Variants in ZNF12 observed in about 807,000 individuals in gnomAD.
The protein encoded by ZNF12 is zinc finger protein 12.
Under a neutral mutation model 66.6 loss-of-function variants are expected in ZNF12, and 34 were observed. The ratio of observed to expected loss-of-function variants is 0.51; its 90% CI spans 0.39 to 0.68. ZNF12 has a LOEUF of 0.68. ZNF12 is among the 30% of genes least tolerant of loss of function. ZNF12 has a pLI of 0.00. For synonymous variants in ZNF12, 320 were observed against 278.9 expected (o/e 1.15, Z -1.47); for missense variants, 697 against 826.9 (o/e 0.84, Z 1.93).
At position 6,691,966 on chromosome 7, in the gene ZNF12, C is replaced by T. The variant is rs1294266330; in HGVS notation, c.976G>A (p.Glu326Lys). The stretch of plus-strand genomic sequence containing the variant: ...AAGTTCTTCCCACATTCATTACATT[C>T]ATAGGGCTTCTCCCCTGTGTGTGTT... Reference protein sequence around the residue: ...QRTHTGEKPYECNECGKNFYQ... With the variant: ...QRTHTGEKPYKCNECGKNFYQ... Residue 326 changes from glutamate (E) to lysine (K), a missense_variant, in exon 5 of 5, where the codon GAA becomes AAA. Physicochemically the swap from Glu to Lys is moderately conservative, Grantham distance 56. Transcript: ENST00000405858. 1.2e-6 allele frequency: 2 copies of T among 1,614,164 alleles called. No individual in the cohort carries two copies. Among genetic ancestry groups the T allele is most frequent in the East Asian group, 4.5e-5 (2 of 44,878 alleles).
chr7:6,698,417 T>G lies in ZNF12; in HGVS notation c.16-606A>C, dbSNP rs948216009. ...ACATCATCAGTCCAGGCCTCTCTCC[T>G]AAATTCCAGACACATATGTCCCAGA... On this transcript the variant is annotated intron_variant, in intron 2 of 4. Transcript: ENST00000405858. The surrounding 1 kb of genome is among the most constrained non-coding windows in gnomAD (Gnocchi z 4.4). 9.9e-5 allele frequency among the ~76,000 whole-genome samples: 15 copies of G among 152,218 alleles called. No individual in the cohort carries two copies. Among genetic ancestry groups the G allele is most frequent in the African/African-American group, 3.6e-4 (15 of 41,458 alleles).
intron 2 of ZNF12, among the ~76,000 whole-genome samples, chr7:6,699,686 G>T (rs559033912): frequency 6.6e-6 from 1 of 152,210 alleles, no homozygotes; most frequent in Admixed American, 6.5e-5. Context: ...AGGAAAGTCA[G>T]CCTGGTTTCC....
In ZNF12 at chr7:6,705,178, T is replaced by C; in HGVS notation, c.-5A>G. 11 of 1,613,790 alleles carry C rather than the reference T, an allele frequency of 6.8e-6. No homozygotes were observed. Among genetic ancestry groups the C allele is most frequent in the Non-Finnish European group, 8.5e-6 (10 of 1,179,760 alleles). On this transcript the variant is annotated 5_prime_UTR_variant, in exon 2 of 5. Transcript: ENST00000405858. The surrounding 1 kb of genome is among the most constrained non-coding windows in gnomAD (Gnocchi z 4.0). ...ACTCACCAGGGATTTATTCATTTTC[T>C]GCTGCTCTTGGAAAAATCTGGAGGA...
rs534200246 is a variant in ZNF12, at chr7:6,695,570, T to C, written c.238+1769A>G. ...CTGAATGGATGGACAAGAAAGTTCT[T>C]TCACCTGCCTAGCTTCTCAGATAAT... is the stretch of plus-strand genomic sequence containing the variant. On this transcript the variant is annotated intron_variant, in intron 4 of 4. Coordinates refer to ENST00000405858, the MANE Select transcript of ZNF12 (RefSeq NM_016265.4). 3.3e-5 allele frequency among the ~76,000 whole-genome samples: 5 copies of C among 152,326 alleles called. No homozygotes were observed. In the South Asian group the frequency reaches 1.0e-3, roughly 32 times the overall value.
intron 2 of ZNF12, among the ~76,000 whole-genome samples, chr7:6,703,808 G>A (rs1391309556): frequency 2.0e-5 from 3 of 152,228 alleles, no homozygotes; most frequent in Admixed American, 6.5e-5. Context: ...CAGGCAAGAA[G>A]AGAAAGGGCA....
Position 6,705,806 on chromosome 7 carries a change from T to A in ZNF12, c.-50-583A>T, listed in dbSNP as rs1334126374. Among the ~76,000 whole-genome samples the A allele has an allele frequency of 6.6e-6, 1 of 152,114 alleles. No homozygotes were observed. The highest frequency in any genetic ancestry group is 1.5e-5 in the Non-Finnish European group (1 of 68,014). ...ATTTTCTTACTCTTTTAAATAAAGA[T>A]CAGAAAATCCACAGGATGCCCTAAA... On this transcript the variant is annotated intron_variant, in intron 1 of 4. Transcript: ENST00000405858. The surrounding 1 kb of genome is among the most constrained non-coding windows in gnomAD (Gnocchi z 4.0).
rs1422213174 is a variant in ZNF12 at position 6,696,352 on chromosome 7, G to A, written c.238+987C>T. 6.6e-6 allele frequency among the ~76,000 whole-genome samples: 1 copy of A among 152,278 alleles called. No individual in the cohort carries two copies. The highest frequency in any genetic ancestry group is 1.9e-4 in the East Asian group (1 of 5,192). ...TAGTATAGTTTAGTAAATAAAGGGA[G>A]GTGGAAAGGTGATTAGTAATTATAA... is the stretch of plus-strand genomic sequence containing the variant. On this transcript the variant is annotated intron_variant, in intron 4 of 4. Coordinates refer to ENST00000405858, the MANE Select transcript of ZNF12 (RefSeq NM_016265.4). This position sits in a 1 kb window ranked among gnomAD's most constrained non-coding sequence, Gnocchi z 4.0.
rs1583465664 is a variant in ZNF12 at position 6,698,074 on chromosome 7, C to T, written c.16-263G>A. On this transcript the variant is annotated intron_variant, in intron 2 of 4. Transcript: ENST00000405858. This position sits in a 1 kb window ranked among gnomAD's most constrained non-coding sequence, Gnocchi z 4.4. The stretch of plus-strand genomic sequence containing the variant: ...AATCCTGGCTGTTGGGAACTCTTAA[C>T]ACCAGCAGGGACGAATCTCACCCCT... 1.5e-6 allele frequency: 1 copy of T among 669,614 alleles called. No individual in the cohort carries two copies. Among genetic ancestry groups the T allele is most frequent in the Non-Finnish European group, 2.8e-6 (1 of 359,014 alleles). 41.5% of individuals were successfully genotyped at this position (669,614 alleles called of 1,614,324 possible). A position where few individuals can be genotyped will look rare whatever the true frequency, so the allele number is the denominator to read the frequency against.
chr7:6,696,712 G>T lies in ZNF12; in HGVS notation c.238+627C>A, dbSNP rs1261920794. On this transcript the variant is annotated intron_variant, in intron 4 of 4. Coordinates refer to ENST00000405858, the MANE Select transcript of ZNF12 (RefSeq NM_016265.4). This position sits in a 1 kb window ranked among gnomAD's most constrained non-coding sequence, Gnocchi z 4.0. Reference sequence around the variant, plus strand: ...GGTATCATTCAAGGCATTGGGAACAGAACAGAAAATAAGAAACAAGATGAA... The same window carrying T: ...GGTATCATTCAAGGCATTGGGAACATAACAGAAAATAAGAAACAAGATGAA... Among the ~76,000 whole-genome samples, 1 of 152,108 alleles carries T rather than the reference G, an allele frequency of 6.6e-6. No homozygotes were observed.
intron 1 of ZNF12, among the ~76,000 whole-genome samples, chr7:6,706,143 G>A (rs1034344657): frequency 6.6e-6 from 1 of 152,192 alleles, no homozygotes; most frequent in African/African-American, 2.4e-5. Context: ...ACTTAAATGA[G>A]AGAACAGAGG....
chr7:6,700,647 C>T (rs1056685472), intron 2 of ZNF12, among the ~76,000 whole-genome samples: 3 of 152,160 alleles, frequency 2.0e-5, no homozygotes, highest in Admixed American at 6.5e-5. Flanking sequence ...AGATGACACA[C>T]TTTTCAAATT....
At position 6,705,158 on chromosome 7, in the gene ZNF12, C is replaced by G. The variant is rs1384856072; in HGVS notation, c.15+1G>C. Reference sequence around the variant, plus strand: ...ATAAATACATGAACAGAAACACTCACCAGGGATTTATTCATTTTCTGCTGC... The same window carrying G: ...ATAAATACATGAACAGAAACACTCAGCAGGGATTTATTCATTTTCTGCTGC... On this transcript the variant is annotated splice_donor_variant, in intron 2 of 4. Coordinates refer to ENST00000405858, the MANE Select transcript of ZNF12 (RefSeq NM_016265.4). LOFTEE classifies it high-confidence loss of function. The surrounding 1 kb of genome is among the most constrained non-coding windows in gnomAD (Gnocchi z 4.0). 6.2e-7 allele frequency: 1 copy of G among 1,613,564 alleles called. No homozygotes were observed. The highest frequency in any genetic ancestry group is 1.7e-5 in the Admixed American group (1 of 59,982).
In ZNF12 at chr7:6,697,417, G is replaced by T; in HGVS notation, c.160C>A (p.Pro54Thr). 1 of 1,612,068 alleles carries T rather than the reference G, an allele frequency of 6.2e-7. No individual in the cohort carries two copies. The highest frequency in any genetic ancestry group is 8.5e-7 in the Non-Finnish European group (1 of 1,179,144). Residue 54 changes from proline to threonine, a missense_variant, in exon 4 of 5, where the codon CCG becomes ACG. Pro to Thr is a conservative substitution (Grantham distance 38). This residue lies in a region of ZNF12 where 55 missense variants were observed against 83.9 expected (regional missense o/e 0.66). Transcript: ENST00000405858. This position sits in a 1 kb window ranked among gnomAD's most constrained non-coding sequence, Gnocchi z 6.1. ...LVSVGYHIIK[P>T]DVISKLEQGE... ...TGCTCCAACTTGCTGATAACATCCG[G>T]TTTGATAATGTGATACCCTGTTAAT...
At position 6,691,971 on chromosome 7, in the gene ZNF12, G is replaced by C. The variant is rs776898392; in HGVS notation, c.971C>G (p.Pro324Arg). The change falls in exon 5 of 5, where the codon CCC becomes CGC. Residue 324 changes from proline (P) to arginine (R), a missense_variant. By Grantham distance (103) the Pro-to-Arg change is moderately radical. Transcript: ENST00000405858. The stretch of plus-strand genomic sequence containing the variant: ...CTTCCCACATTCATTACATTCATAG[G>C]GCTTCTCCCCTGTGTGTGTTCTCTG... ...VHQRTHTGEK[P>R]YECNECGKNF... 4.3e-6 allele frequency: 7 copies of C among 1,613,892 alleles called. No homozygotes were observed. The highest frequency in any genetic ancestry group is 5.9e-6 in the Non-Finnish European group (7 of 1,180,002).
rs57140510 is a variant in ZNF12, at chr7:6,705,730, A to AAAC, written c.-50-508_-50-507insGTT. ...CGAAACTTGTCTCAAAAACAAACAAACAAACAAACAAAAAACAAACAACAA... is the reference window on the plus strand; with the variant it reads ...CGAAACTTGTCTCAAAAACAAACAAAAACCAAACAAACAAAAAACAAACAACAA... On this transcript the variant is annotated intron_variant, in intron 1 of 4. Transcript: ENST00000405858. This position sits in a 1 kb window ranked among gnomAD's most constrained non-coding sequence, Gnocchi z 4.0. Among the ~76,000 whole-genome samples the AAAC allele has an allele frequency of 1.3e-5, 2 of 151,990 alleles. No individual in the cohort carries two copies. Among genetic ancestry groups the AAAC allele is most frequent in the African/African-American group, 2.4e-5 (1 of 41,342 alleles).
At chr7:6,702,277 A>C (rs1397053006) in intron 2 of ZNF12, among the ~76,000 whole-genome samples, 2 of 49,858 alleles carry the variant, frequency 4.0e-5, no homozygotes, top group Non-Finnish European at 4.1e-5. Flanking sequence ...ATGGGAGAGT[A>C]CCAGATTCGT....
chr7:6,706,447 C>T lies in ZNF12; in HGVS notation c.-66G>A. The T allele has an allele frequency of 2.1e-6, 1 of 478,320 alleles. No homozygotes were observed. The highest frequency in any genetic ancestry group is 4.2e-6 in the Non-Finnish European group (1 of 240,534). The allele number at this position is 478,320 out of a possible 1,614,324, so 29.6% of individuals were successfully genotyped here. On this transcript the variant is annotated 5_prime_UTR_variant, in exon 1 of 5. Coordinates refer to ENST00000405858, the MANE Select transcript of ZNF12 (RefSeq NM_016265.4). ...CACGACTTACCCTCCTGGGGCTCCG[C>T]AGCCTCTGCCCCACCGCTCCCGACA...
chr7:6,693,840 A>T (rs1279817538), intron 4 of ZNF12, among the ~76,000 whole-genome samples: 1 of 151,922 alleles, frequency 6.6e-6, no homozygotes, highest in African/African-American at 2.4e-5. Flanking sequence ...GTGCTTTCCC[A>T]CTCCTGAGTA....
chr7:6,702,228 T>C (rs979327928), intron 2 of ZNF12, among the ~76,000 whole-genome samples: 3 of 150,802 alleles, frequency 2.0e-5, no homozygotes, highest in Non-Finnish European at 2.9e-5. Flanking sequence ...GCCTGACCAG[T>C]AGCACCTTCC....
Sources: allele counts gnomAD v4.1 joint callset (sites outside exome capture counted in the v4.1 genomes callset), GRCh38; gene constraint gnomAD v4.1.1; regional missense constraint gnomAD v4.1.1; non-coding constraint Gnocchi (gnomAD v3.1); transcripts MANE v1.5; gene names NCBI Gene and HGNC (gene_info 2026-07-23, HGNC 2026-07-21).